Variants in NGEF observed in about 807,000 individuals in gnomAD.
NGEF encodes ephexin-1.
Under a neutral mutation model 80.9 loss-of-function variants are expected in NGEF, and 31 were observed. The ratio of observed to expected loss-of-function variants is 0.38; its 90% confidence interval spans 0.29 to 0.52. NGEF has a LOEUF of 0.52. Among genes scored for constraint, NGEF ranks in the 20% least tolerant of loss-of-function variants. The probability of loss-of-function intolerance (pLI) is 0.84; values close to 1 mark genes in which losing one functional copy is unlikely to be tolerated. For missense variants in NGEF, 709 were observed against 926.2 expected (o/e 0.77, Z 3.04); for synonymous variants, 371 against 370.2 (o/e 1.00, Z -0.03).
chr2:232,928,720 A>T (rs879482857), intron 3 of NGEF, among the ~76,000 whole-genome samples: 10 of 152,300 alleles, frequency 6.6e-5, no homozygotes, highest in Admixed American at 2.6e-4. Flanking sequence ...GTCTGGTCGC[A>T]GGACGAGCCA....
intron 3 of NGEF, among the ~76,000 whole-genome samples, chr2:232,964,461 G>A (rs1694016764): frequency 6.6e-6 from 1 of 151,894 alleles, no homozygotes; most frequent in African/African-American, 2.4e-5. Flanking sequence ...GGGAGGCTGA[G>A]GCAGGCAGAT....
chr2:232,967,244 G>A (rs1204129546), intron 3 of NGEF, among the ~76,000 whole-genome samples: 6 of 152,104 alleles, frequency 3.9e-5, no homozygotes, highest in Non-Finnish European at 2.9e-5. Context: ...TACCAGGATC[G>A]GAAGCTTCCT....
chr2:232,879,813 G>A, intron 14 of NGEF, 134 bp from the exon 15 acceptor site: 1 of 739,226 alleles, frequency 1.4e-6, no homozygotes, highest in Non-Finnish European at 2.2e-6. Context: ...AAAGGCAGCG[G>A]CTCTGCACAC....
At chr2:232,952,296 G>A (rs1475205066) in intron 3 of NGEF, among the ~76,000 whole-genome samples, 1 of 152,244 alleles carries the variant, frequency 6.6e-6, no homozygotes, top group Non-Finnish European at 1.5e-5. Flanking sequence ...GACTCCAACA[G>A]ATATCTATAG....
At chr2:233,000,254 C>G (rs1169306932) in intron 1 of NGEF, among the ~76,000 whole-genome samples, 1 of 152,202 alleles carries the variant, frequency 6.6e-6, no homozygotes, top group Admixed American at 6.5e-5. Flanking sequence ...CACTGCCATG[C>G]TTGGCTAATT....
chr2:233,005,025 C>G (rs1234716776), intron 1 of NGEF, among the ~76,000 whole-genome samples: 1 of 152,196 alleles, frequency 6.6e-6, no homozygotes, highest in African/African-American at 2.4e-5. Flanking sequence ...CACGGACCAC[C>G]TTTCTCTACT....
intron 8 of NGEF, among the ~76,000 whole-genome samples, chr2:232,889,928 A>T (rs1018757034): frequency 2.1e-4 from 32 of 151,946 alleles, no homozygotes; most frequent in African/African-American, 7.7e-4. Context: ...CATGCTCCTC[A>T]GGGCCACAGC....
chr2:232,934,680 T>C (rs1266656754), intron 3 of NGEF, among the ~76,000 whole-genome samples: 1 of 152,176 alleles, frequency 6.6e-6, no homozygotes, highest in African/African-American at 2.4e-5. Flanking sequence ...TATTTATACC[T>C]GACTAGCACG....
intron 1 of NGEF, among the ~76,000 whole-genome samples, chr2:232,993,446 T>C (rs1694714637): frequency 6.6e-6 from 1 of 151,702 alleles, no homozygotes; most frequent in African/African-American, 2.4e-5. Flanking sequence ...GTGGGGAAAT[T>C]GGAATCCTCA....
At chr2:232,890,200 TGCCTC>T (rs1305962784) in intron 8 of NGEF, among the ~76,000 whole-genome samples, 25 of 100,978 alleles carry the variant, frequency 2.5e-4, no homozygotes, top group Middle Eastern at 5.8e-3. Context: ...GTCTCTGTCC[TGCCTC>T]ACTGGGCCTG....
rs78029022 is a variant in NGEF at position 232,920,149 on chromosome 2, A to G, written c.828+135T>C. The G allele has an allele frequency of 5.5e-4, 439 of 804,290 alleles. No individual in the cohort carries two copies. The African/African-American group carries it at 7.1e-3, about 13-fold the overall frequency. 49.8% of individuals were successfully genotyped at this position (804,290 alleles called of 1,614,324 possible). On this transcript the variant is annotated intron_variant, in intron 5 of 14. Coordinates refer to ENST00000264051, the MANE Select transcript of NGEF (RefSeq NM_019850.3). ...CCATGTTTATTTTTCTGCATGTTCT[A>G]GATGGACAACCCTGCCAGCGATTCC...
intron 3 of NGEF, among the ~76,000 whole-genome samples, chr2:232,928,683 GC>G (rs1228692852): frequency 1.3e-5 from 2 of 152,200 alleles, no homozygotes; most frequent in East Asian, 1.9e-4. Flanking sequence ...TGGGGAGGGG[GC>G]CGGCGCGGAG....
intron 5 of NGEF, among the ~76,000 whole-genome samples, chr2:232,906,235 C>A (rs1226471175): frequency 1.0e-5 from 1 of 97,044 alleles, no homozygotes; most frequent in Non-Finnish European, 2.1e-5. Context: ...GTCAGCCCCC[C>A]GCCCGGCCAG....
At chr2:233,004,590 C>A (rs1695049436) in intron 1 of NGEF, among the ~76,000 whole-genome samples, 1 of 152,202 alleles carries the variant, frequency 6.6e-6, no homozygotes. Context: ...CCAGAAAACA[C>A]CCAAACCTGG....
At chr2:232,893,993 G>A (rs112156580) in intron 6 of NGEF, among the ~76,000 whole-genome samples, 7 of 152,098 alleles carry the variant, frequency 4.6e-5, no homozygotes, top group African/African-American at 7.2e-5. Context: ...GATGCTGAGC[G>A]GATCCCCACT....
At chr2:232,882,037 T>C (rs1297775600) in intron 13 of NGEF, 149 bp downstream of exon 13, 2 of 665,254 alleles carry the variant, frequency 3.0e-6, no homozygotes, top group South Asian at 1.9e-5. Context: ...AAGTTTCCAG[T>C]AGGAAGCAGC....
intron 3 of NGEF, chr2:232,969,980 CAT>C (rs1272840211): frequency 1.2e-5 from 3 of 243,698 alleles, no homozygotes; most frequent in Non-Finnish European, 2.3e-5. Context: ...GCCTGGGTAA[CAT>C]AGCAAGACCA....
At chr2:232,885,218 C>A in intron 10 of NGEF, 62 bp downstream of exon 10, 1 of 1,492,492 alleles carries the variant, frequency 6.7e-7, no homozygotes, top group Non-Finnish European at 9.3e-7. Flanking sequence ...TGATCTGTGC[C>A]TCTGGGGCGG....
intron 1 of NGEF, among the ~76,000 whole-genome samples, chr2:233,008,311 A>G (rs1389167908): frequency 6.6e-6 from 1 of 152,114 alleles, no homozygotes; most frequent in Non-Finnish European, 1.5e-5. Context: ...AGCTTGGGAG[A>G]GGAGCAGGCA....
Sources: allele counts gnomAD v4.1 joint callset (sites outside exome capture counted in the v4.1 genomes callset), GRCh38; gene constraint gnomAD v4.1.1; transcripts MANE v1.5; gene names NCBI Gene and HGNC (gene_info 2026-07-23, HGNC 2026-07-21).